HSD17B4: variants seen among roughly 807,000 people sequenced by gnomAD.
HSD17B4 encodes the protein hydroxysteroid 17-beta dehydrogenase 4, also known as peroxisomal multifunctional enzyme type 2.
Under a neutral mutation model 101.0 loss-of-function variants are expected in HSD17B4, and 70 were observed. The observed-to-expected ratio is 0.69, with a 90% CI of 0.57 to 0.85. HSD17B4 has a LOEUF of 0.85. Among genes scored for constraint, HSD17B4 ranks in the 40% least tolerant of loss-of-function variants. HSD17B4 has a pLI of 0.00. For synonymous variants in HSD17B4, 347 were observed against 297.1 expected (o/e 1.17, Z -1.73); for missense variants, 984 against 892.4 (o/e 1.10, Z -1.31).
intron 2 of HSD17B4, among the ~76,000 whole-genome samples, chr5:119,472,829 T>C (rs780246327): frequency 3.3e-5 from 5 of 152,234 alleles, no homozygotes; most frequent in Non-Finnish European, 5.9e-5. Flanking sequence ...TGTGATTCTA[T>C]GAGTTTTGAT....
intron 1 of HSD17B4, among the ~76,000 whole-genome samples, chr5:119,455,562 C>CTATA (rs1348182779): frequency 1.2e-4 from 16 of 131,582 alleles, no homozygotes; most frequent in South Asian, 4.7e-4. Context: ...CTCTCTCTCT[C>CTATA]TCTCTCTATA....
Position 119,541,914 on chromosome 5 carries a change from A to G in HSD17B4, c.2131A>G (p.Ser711Gly). The G allele has an allele frequency of 6.2e-7, 1 of 1,608,740 alleles. No homozygotes were observed. The highest frequency in any genetic ancestry group is 8.5e-7 in the Non-Finnish European group (1 of 1,175,576). Reference protein sequence around the residue: ...GKLDPQKAFFSGRLKARGNIM... With the variant: ...GKLDPQKAFFGGRLKARGNIM... ...CCTCCTCTCCTTGCAGGCATTCTTTAGTGGCAGGCTGAAGGCCAGAGGGAA... is the reference window on the plus strand; with the variant it reads ...CCTCCTCTCCTTGCAGGCATTCTTTGGTGGCAGGCTGAAGGCCAGAGGGAA... Residue 711 changes from serine (S) to glycine (G), a missense_variant, in exon 24 of 24, where the codon AGT becomes GGT. Coordinates refer to ENST00000510025, the MANE Select transcript of HSD17B4 (RefSeq NM_000414.4).
At chr5:119,489,902 G>A (rs1749944291) in intron 9 of HSD17B4, among the ~76,000 whole-genome samples, 1 of 151,938 alleles carries the variant, frequency 6.6e-6, no homozygotes, top group South Asian at 2.1e-4. Flanking sequence ...CCATCATGCA[G>A]TGAGATCCAT....
At chr5:119,454,118 A>G (rs1246480270) in intron 1 of HSD17B4, among the ~76,000 whole-genome samples, 1 of 152,226 alleles carries the variant, frequency 6.6e-6, no homozygotes, top group Non-Finnish European at 1.5e-5. Context: ...AAACCAGTTC[A>G]TGATATAGTG....
intron 17 of HSD17B4, among the ~76,000 whole-genome samples, chr5:119,519,161 C>T (rs1236820501): frequency 6.6e-6 from 1 of 151,992 alleles, no homozygotes; most frequent in African/African-American, 2.4e-5. Context: ...ACAAAACAAA[C>T]GAGTATGACA....
intron 6 of HSD17B4, 69 bp from the exon 7 acceptor site, chr5:119,477,348 G>A: frequency 9.7e-7 from 1 of 1,032,998 alleles, no homozygotes; most frequent in Non-Finnish European, 1.5e-6. Context: ...ATACAACATT[G>A]CTTATGTTGA....
intron 10 of HSD17B4, 58 bp from the exon 11 acceptor site, chr5:119,493,760 T>C: frequency 6.6e-7 from 1 of 1,525,278 alleles, no homozygotes; most frequent in Non-Finnish European, 9.1e-7. Context: ...TTCTTATGCA[T>C]CTTACTTTCT....
chr5:119,494,071 T>C, intron 11 of HSD17B4, 125 bp downstream of exon 11: 1 of 903,484 alleles, frequency 1.1e-6, no homozygotes, highest in Non-Finnish European at 1.8e-6. Context: ...CTATAGCATA[T>C]TTTCTGCTCT....
chr5:119,481,263 A>G (rs754605720), intron 8 of HSD17B4, among the ~76,000 whole-genome samples: 11 of 152,294 alleles, frequency 7.2e-5, no homozygotes, highest in Non-Finnish European at 1.3e-4. Context: ...AATTTGGGGA[A>G]CTAATAAATG....
chr5:119,476,758 A>C (rs1386595463), intron 6 of HSD17B4: 1 of 907,382 alleles, frequency 1.1e-6, no homozygotes, highest in Non-Finnish European at 1.3e-6. Context: ...CTACTAAGCC[A>C]CTACTCCTGA....
chr5:119,468,840 A>G (rs1008184646), intron 2 of HSD17B4, among the ~76,000 whole-genome samples: 4 of 150,958 alleles, frequency 2.6e-5, no homozygotes, highest in African/African-American at 7.3e-5. Flanking sequence ...GGTTATTTCA[A>G]AAGTCCTGTC....
At chr5:119,527,085 AAG>A (rs1439708756) in intron 19 of HSD17B4, 46 bp from the exon 20 acceptor site, 1 of 1,145,678 alleles carries the variant, frequency 8.7e-7, no homozygotes, top group Non-Finnish European at 1.3e-6. Context: ...CTACAAGTAA[AAG>A]AGTTTCCTTT....
chr5:119,478,903 G>A lies in HSD17B4; in HGVS notation c.504G>A (p.Lys168=). 6.2e-7 allele frequency: 1 copy of A among 1,613,708 alleles called. No homozygotes were observed. The highest frequency in any genetic ancestry group is 8.5e-7 in the Non-Finnish European group (1 of 1,179,720). ...GCCAGGCCAATTATAGTGCTGCAAA[G>A]TTGGGTCTTCTGGGCCTTGCAAATT... is the stretch of plus-strand genomic sequence containing the variant. ...NFGQANYSAA[K]LGLLGLANSL... The change falls in exon 8 of 24, where the codon AAG becomes AAA. Residue 168 remains lysine, a synonymous_variant. Coordinates refer to ENST00000510025, the MANE Select transcript of HSD17B4 (RefSeq NM_000414.4).
At chr5:119,483,440 T>A (rs1229813061) in intron 8 of HSD17B4, among the ~76,000 whole-genome samples, 5 of 152,178 alleles carry the variant, frequency 3.3e-5, no homozygotes, top group African/African-American at 1.2e-4. Context: ...ACTTCCAAGC[T>A]CTTTTTATGT....
chr5:119,457,338 G>A (rs567762885), intron 2 of HSD17B4, among the ~76,000 whole-genome samples: 3 of 152,314 alleles, frequency 2.0e-5, no homozygotes, highest in South Asian at 2.1e-4. Context: ...ATTTTCATCA[G>A]TTTGTTCAGG....
chr5:119,524,020 G>T (rs1440808466), intron 17 of HSD17B4, among the ~76,000 whole-genome samples: 1 of 152,018 alleles, frequency 6.6e-6, no homozygotes, highest in Non-Finnish European at 1.5e-5. Context: ...TATACATCAT[G>T]ATATATATTT....
intron 6 of HSD17B4, 33 bp downstream of exon 6, chr5:119,475,903 T>C: frequency 1.4e-6 from 2 of 1,463,238 alleles, no homozygotes; most frequent in Non-Finnish European, 1.9e-6. Context: ...CTGGGGAACA[T>C]ACTTATCCAT....
intron 14 of HSD17B4, among the ~76,000 whole-genome samples, chr5:119,506,434 G>A (rs1025584784): frequency 6.6e-6 from 1 of 152,160 alleles, no homozygotes; most frequent in African/African-American, 2.4e-5. Flanking sequence ...CATTTGGGTT[G>A]GTTCCAAGCC....
chr5:119,459,881 T>TG (rs1347285279), intron 2 of HSD17B4, among the ~76,000 whole-genome samples: 104 of 152,088 alleles, frequency 6.8e-4, no homozygotes, highest in Non-Finnish European at 1.3e-3. Context: ...CTCTTTTTTT[T>TG]TTTTTTTGAG....
Sources: allele counts gnomAD v4.1 joint callset (sites outside exome capture counted in the v4.1 genomes callset), GRCh38; gene constraint gnomAD v4.1.1; transcripts MANE v1.5; gene names NCBI Gene and HGNC (gene_info 2026-07-23, HGNC 2026-07-21).